Variants in EFCAB6 observed in about 807,000 individuals in gnomAD.
EFCAB6 encodes the protein EF-hand calcium binding domain 6.
Under a neutral mutation model 169.8 loss-of-function variants are expected in EFCAB6, and 156 were observed. The observed-to-expected ratio is 0.92, with a 90% CI of 0.81 to 1.05. The LOEUF is 1.05. Among genes scored for constraint, EFCAB6 ranks in the 50% least tolerant of loss-of-function variants. EFCAB6 has a pLI of 0.00. For synonymous variants in EFCAB6, 698 were observed against 676.4 expected (o/e 1.03, Z -0.50); for missense variants, 1,800 against 1,829.1 (o/e 0.98, Z 0.29).
chr22:43,604,204 A>G (rs947006145), intron 22 of EFCAB6, among the ~76,000 whole-genome samples: 1 of 152,146 alleles, frequency 6.6e-6, no homozygotes, highest in African/African-American at 2.4e-5. Flanking sequence ...AGTCTCAGGT[A>G]TTTCTTTATA....
At chr22:43,559,382 G>A (rs1602254545) in intron 26 of EFCAB6, among the ~76,000 whole-genome samples, 1 of 152,174 alleles carries the variant, frequency 6.6e-6, no homozygotes, top group East Asian at 1.9e-4. Context: ...GTGAGGCTGT[G>A]GAGAAATAGG....
At chr22:43,598,691 A>C (rs1227896341) in intron 23 of EFCAB6, among the ~76,000 whole-genome samples, 3 of 152,146 alleles carry the variant, frequency 2.0e-5, no homozygotes, top group Non-Finnish European at 4.4e-5. Flanking sequence ...GAGGTGATGG[A>C]TTTCCCATTT....
At chr22:43,585,465 T>C (rs1158169852) in intron 24 of EFCAB6, among the ~76,000 whole-genome samples, 2 of 151,918 alleles carry the variant, frequency 1.3e-5, no homozygotes, top group African/African-American at 4.8e-5. Flanking sequence ...GGACAAGATA[T>C]CCAAAGACTG....
At chr22:43,670,019 G>A (rs927413195) in intron 15 of EFCAB6, among the ~76,000 whole-genome samples, 1 of 152,056 alleles carries the variant, frequency 6.6e-6, no homozygotes, top group Non-Finnish European at 1.5e-5. Flanking sequence ...AAGGTTGTAG[G>A]CTTAGGGTGT....
chr22:43,539,943 C>G (rs778665757), intron 28 of EFCAB6, among the ~76,000 whole-genome samples, 184 bp downstream of exon 28: 12 of 152,170 alleles, frequency 7.9e-5, no homozygotes, highest in East Asian at 7.7e-4. Context: ...ACGTCTGCCC[C>G]CCTCCCAGGG....
At chr22:43,647,624 T>A (rs1401097152) in intron 17 of EFCAB6, among the ~76,000 whole-genome samples, 1 of 152,138 alleles carries the variant, frequency 6.6e-6, no homozygotes, top group Admixed American at 6.6e-5. Context: ...GTCTTTTCAG[T>A]TGGAATCAAG....
chr22:43,559,811 A>G (rs189592004), intron 26 of EFCAB6, among the ~76,000 whole-genome samples: 1 of 152,100 alleles, frequency 6.6e-6, no homozygotes, highest in African/African-American at 2.4e-5. Context: ...GAGTTGAACA[A>G]TGAGGACACA....
chr22:43,532,450 G>A (rs188456433), intron 30 of EFCAB6, among the ~76,000 whole-genome samples: 74 of 152,390 alleles, frequency 4.9e-4, no homozygotes, highest in African/African-American at 1.7e-3. Context: ...GCGGAGGAAG[G>A]ATGGAATTGA....
At chr22:43,605,683 G>C (rs1343878316) in intron 22 of EFCAB6, among the ~76,000 whole-genome samples, 1 of 152,112 alleles carries the variant, frequency 6.6e-6, no homozygotes, top group African/African-American at 2.4e-5. Flanking sequence ...AAGAGTTCTG[G>C]AGCTGGACGG....
rs965502707 is a variant in EFCAB6, at chr22:43,572,981, G to A, written c.3420+3316C>T. ...TTTAGAGGAAAATGAAGACCCCAGA[G>A]AATGCCAGTGCTACCACAGGAGGCG... On this transcript the variant is annotated intron_variant, in intron 26 of 31. Transcript: ENST00000262726. The surrounding 1 kb of genome is among the most constrained non-coding windows in gnomAD (Gnocchi z 4.0). Among the ~76,000 whole-genome samples, 1 of 152,232 alleles carries A rather than the reference G, an allele frequency of 6.6e-6. No individual in the cohort carries two copies. The highest frequency in any genetic ancestry group is 6.5e-5 in the Admixed American group (1 of 15,292).
At chr22:43,642,395 CAA>C (rs879489055) in intron 17 of EFCAB6, among the ~76,000 whole-genome samples, 3 of 143,972 alleles carry the variant, frequency 2.1e-5, no homozygotes, top group Non-Finnish European at 3.1e-5. Context: ...AAACAGGTAC[CAA>C]AAAAAAAAAG....
chr22:43,588,260 A>G (rs1382790938), intron 24 of EFCAB6, among the ~76,000 whole-genome samples: 1 of 152,244 alleles, frequency 6.6e-6, no homozygotes, highest in Non-Finnish European at 1.5e-5. Flanking sequence ...GTATGGACAT[A>G]TTTTTGAAGA....
chr22:43,637,387 C>T (rs913042446), intron 17 of EFCAB6, among the ~76,000 whole-genome samples: 1 of 152,240 alleles, frequency 6.6e-6, no homozygotes, highest in African/African-American at 2.4e-5. Context: ...GGGAAGAGGA[C>T]CAGGGAGCTG....
intron 31 of EFCAB6, among the ~76,000 whole-genome samples, chr22:43,529,591 A>T (rs1425856816): frequency 6.6e-6 from 1 of 152,194 alleles, no homozygotes; most frequent in Non-Finnish European, 1.5e-5. Context: ...TAGAACATCC[A>T]GGAAGCCTCC....
At chr22:43,789,180 T>C (rs2148095616) in intron 2 of EFCAB6, among the ~76,000 whole-genome samples, 1 of 152,316 alleles carries the variant, frequency 6.6e-6, no homozygotes, top group African/African-American at 2.4e-5. Flanking sequence ...AAAAATGTTC[T>C]GGGATTAGAT....
At chr22:43,674,418 G>A (rs1336382620) in intron 13 of EFCAB6, among the ~76,000 whole-genome samples, 1 of 152,166 alleles carries the variant, frequency 6.6e-6, no homozygotes, top group Non-Finnish European at 1.5e-5. Flanking sequence ...GAGACTGGGA[G>A]GGTCCCTGCG....
chr22:43,753,571 TAG>T (rs1182479536), intron 6 of EFCAB6, among the ~76,000 whole-genome samples: 1 of 152,096 alleles, frequency 6.6e-6, no homozygotes, highest in African/African-American at 2.4e-5. Context: ...CCTTGACTTA[TAG>T]AGACAATGAG....
chr22:43,797,860 C>G (rs891732892), intron 2 of EFCAB6, among the ~76,000 whole-genome samples: 1 of 152,190 alleles, frequency 6.6e-6, no homozygotes, highest in African/African-American at 2.4e-5. Context: ...CTGGCAGTCC[C>G]TCAAATGTGC....
chr22:43,674,387 T>G (rs1226254436), intron 13 of EFCAB6, among the ~76,000 whole-genome samples: 1 of 152,136 alleles, frequency 6.6e-6, no homozygotes. Context: ...CAGGACCACA[T>G]CAGGCCACAA....
Sources: allele counts gnomAD v4.1 joint callset (sites outside exome capture counted in the v4.1 genomes callset), GRCh38; gene constraint gnomAD v4.1.1; non-coding constraint Gnocchi (gnomAD v3.1); transcripts MANE v1.5; gene names NCBI Gene and HGNC (gene_info 2026-07-23, HGNC 2026-07-21).